The following MBOAT2 variants were observed in gnomAD, a reference collection of about 807,000 sequenced individuals.
MBOAT2 encodes membrane bound glycerophospholipid O-acyltransferase 2, also known as membrane-bound glycerophospholipid O-acyltransferase 2.
Under a neutral mutation model 63.4 loss-of-function variants are expected in MBOAT2, and 28 were observed. The observed-to-expected ratio is 0.44, with a 90% CI of 0.33 to 0.61. The LOEUF (loss-of-function observed/expected upper bound fraction) is 0.61. Among genes scored for constraint, MBOAT2 ranks in the 20% least tolerant of loss-of-function variants. The pLI, the probability that MBOAT2 is intolerant of heterozygous loss-of-function variation, is 0.03. For missense variants in MBOAT2, 470 were observed against 605.8 expected (o/e 0.78, Z 2.35); for synonymous variants, 211 against 215.6 (o/e 0.98, Z 0.19).
intron 2 of MBOAT2, among the ~76,000 whole-genome samples, chr2:8,958,057 C>T (rs1241150219): frequency 6.6e-6 from 1 of 152,072 alleles, no homozygotes; most frequent in Non-Finnish European, 1.5e-5. Flanking sequence ...AAACAAAAAG[C>T]CTCTTTTTGG....
chr2:8,944,937 C>T (rs1189652885), intron 2 of MBOAT2, among the ~76,000 whole-genome samples: 4 of 152,160 alleles, frequency 2.6e-5, no homozygotes, highest in Admixed American at 2.6e-4. Flanking sequence ...GAACTCAATA[C>T]AGGTACTTAT....
At chr2:8,957,134 G>T (rs531520256) in intron 2 of MBOAT2, among the ~76,000 whole-genome samples, 9 of 152,264 alleles carry the variant, frequency 5.9e-5, no homozygotes, top group Admixed American at 2.6e-4. Flanking sequence ...GATAAAACAA[G>T]AATGGTGGAA....
intron 5 of MBOAT2, among the ~76,000 whole-genome samples, chr2:8,883,273 A>T (rs1407082501): frequency 6.6e-6 from 1 of 152,152 alleles, no homozygotes; most frequent in Non-Finnish European, 1.5e-5. Context: ...AATAGACAAA[A>T]CTAAAAACAT....
At chr2:8,874,025 G>A (rs189381967) in intron 7 of MBOAT2, among the ~76,000 whole-genome samples, 1 of 152,198 alleles carries the variant, frequency 6.6e-6, no homozygotes, top group Non-Finnish European at 1.5e-5. Context: ...AGAAACAAGC[G>A]AAGAGAAGGC....
intron 6 of MBOAT2, among the ~76,000 whole-genome samples, chr2:8,878,625 GCA>G (rs1048083870): frequency 9.9e-5 from 15 of 152,196 alleles, no homozygotes; most frequent in African/African-American, 3.6e-4. Context: ...GGGATGACAA[GCA>G]CACACCACCT....
chr2:8,912,413 A>AAGAAAGAAAGACAGACAGAC, intron 3 of MBOAT2, among the ~76,000 whole-genome samples: 1 of 136,876 alleles, frequency 7.3e-6, no homozygotes, highest in African/African-American at 2.7e-5. Context: ...GAAAGAAAGA[A>AAGAAAGAAAGACAGACAGAC]AGACAGGCCG....
rs539399411 is a variant in MBOAT2 at position 8,993,878 on chromosome 2, GT to G, written c.75+9661del. Among the ~76,000 whole-genome samples, 13 of 152,232 alleles carry G rather than the reference GT, an allele frequency of 8.5e-5. No homozygotes were observed. In the South Asian group the frequency reaches 2.3e-3, roughly 27 times the overall value. ...AGAAAGTAAAGCCTTAAACAGCATG[GT>G]GCCCTCTCCAGCCCCTGGAAAAGCA... On this transcript the variant is annotated intron_variant, in intron 1 of 12. Transcript: ENST00000305997.
intron 4 of MBOAT2, among the ~76,000 whole-genome samples, chr2:8,891,425 AT>A (rs1351410721): frequency 6.6e-6 from 1 of 152,208 alleles, no homozygotes; most frequent in Non-Finnish European, 1.5e-5. Context: ...GGGAAAGGGC[AT>A]ATCTCACCCT....
chr2:8,928,051 G>A (rs1667057152), intron 3 of MBOAT2, among the ~76,000 whole-genome samples: 1 of 151,934 alleles, frequency 6.6e-6, no homozygotes, highest in African/African-American at 2.4e-5. Context: ...GCGGTGGGAG[G>A]TGCCACACAC....
rs552876491 is a variant in MBOAT2, at chr2:8,883,038, G to A, written c.452-473C>T. ...ACATCATCTTCATCCATCTATTTAC[G>A]TTTCTCTTCAAAGAGGAGGATATAT... is the stretch of plus-strand genomic sequence containing the variant. On this transcript the variant is annotated intron_variant, in intron 5 of 12. Transcript: ENST00000305997. Among the ~76,000 whole-genome samples the A allele has an allele frequency of 9.2e-5, 14 of 151,878 alleles. No homozygotes were observed. The South Asian group carries it at 2.7e-3, about 29-fold the overall frequency.
chr2:8,914,519 T>A (rs1041731940), intron 3 of MBOAT2, among the ~76,000 whole-genome samples: 1 of 151,992 alleles, frequency 6.6e-6, no homozygotes, highest in African/African-American at 2.4e-5. Context: ...AAGTGTTTTG[T>A]GAGAATCAAC....
intron 3 of MBOAT2, 121 bp downstream of exon 3, chr2:8,943,066 T>C (rs1668162420): frequency 3.5e-6 from 2 of 574,066 alleles, no homozygotes; most frequent in South Asian, 4.5e-5. Flanking sequence ...TTTATGACAA[T>C]TCTTCTTTAA....
chr2:8,985,230 T>A (rs1055285783), intron 1 of MBOAT2, among the ~76,000 whole-genome samples: 2 of 152,168 alleles, frequency 1.3e-5, no homozygotes, highest in African/African-American at 4.8e-5. Flanking sequence ...GATTGAAAAA[T>A]GATCTACCTT....
Position 8,862,233 on chromosome 2 carries a change from G to C in MBOAT2, c.1185+357C>G. The C allele has an allele frequency of 8.3e-7, 1 of 1,208,982 alleles. No individual in the cohort carries two copies. The highest frequency in any genetic ancestry group is 1.1e-6 in the Non-Finnish European group (1 of 931,226). The allele number at this position is 1,208,982 out of a possible 1,614,324, so 74.9% of individuals were successfully genotyped here. On this transcript the variant is annotated intron_variant, in intron 11 of 12. Coordinates refer to ENST00000305997, the MANE Select transcript of MBOAT2 (RefSeq NM_138799.4). This position sits in a 1 kb window ranked among gnomAD's most constrained non-coding sequence, Gnocchi z 4.3. ...TCTTCATCTGAGAGAGGACTCAAAG[G>C]TTACAGCTTTCAGGAAACATTTCTA...
intron 1 of MBOAT2, among the ~76,000 whole-genome samples, chr2:8,995,685 G>T (rs1573281618): frequency 6.6e-6 from 1 of 151,160 alleles, no homozygotes; most frequent in South Asian, 2.1e-4. Context: ...CTGCCTCCCG[G>T]GTTCGCGCCA....
At chr2:8,880,573 C>G (rs1049589808) in intron 6 of MBOAT2, among the ~76,000 whole-genome samples, 1 of 152,160 alleles carries the variant, frequency 6.6e-6, no homozygotes, top group Non-Finnish European at 1.5e-5. Flanking sequence ...AATTAAGGAG[C>G]CTTCAAACAC....
At chr2:8,932,407 A>C (rs776460987) in intron 3 of MBOAT2, among the ~76,000 whole-genome samples, 20 of 152,208 alleles carry the variant, frequency 1.3e-4, no homozygotes, top group Non-Finnish European at 1.9e-4. Flanking sequence ...CTGATGAAGA[A>C]GACAGAGAAG....
intron 4 of MBOAT2, among the ~76,000 whole-genome samples, chr2:8,889,311 T>C (rs1663809274): frequency 6.6e-6 from 1 of 152,250 alleles, no homozygotes; most frequent in Admixed American, 6.5e-5. Context: ...TAAACATTCC[T>C]ACCACTGGAA....
intron 3 of MBOAT2, among the ~76,000 whole-genome samples, chr2:8,932,019 A>G (rs1276327876): frequency 1.3e-5 from 2 of 152,150 alleles, no homozygotes; most frequent in Non-Finnish European, 2.9e-5. Context: ...AATTGTTCTA[A>G]TATCCTTTCA....
Sources: allele counts gnomAD v4.1 joint callset (sites outside exome capture counted in the v4.1 genomes callset), GRCh38; gene constraint gnomAD v4.1.1; non-coding constraint Gnocchi (gnomAD v3.1); transcripts MANE v1.5; gene names NCBI Gene and HGNC (gene_info 2026-07-23, HGNC 2026-07-21).